Variants in MGAM2 observed in about 807,000 individuals in gnomAD.
MGAM2 encodes the protein maltase-glucoamylase 2 (putative), also known as probable maltase-glucoamylase 2.
A neutral mutation model predicts 96.1 loss-of-function variants in MGAM2; 98 were observed. That is an observed-to-expected ratio of 1.02 (90% CI 0.87 to 1.21). MGAM2 has a LOEUF of 1.21. MGAM2 is among the 50% of genes most tolerant of loss of function. The pLI, the probability that MGAM2 is intolerant of heterozygous loss-of-function variation, is 0.00. For synonymous variants in MGAM2, 749 were observed against 414.8 expected (o/e 1.81, Z -9.79); for missense variants, 2,055 against 1,182.4 (o/e 1.74, Z -10.82).
intron 13 of MGAM2, 49 bp from the exon 14 acceptor site, chr7:142,144,812 A>G (rs1795336319): frequency 1.5e-6 from 1 of 678,012 alleles, no homozygotes; most frequent in African/African-American, 1.8e-5. Flanking sequence ...TCAACAGCTA[A>G]ATGTAGCTCA....
chr7:142,209,270 A>C (rs1032655537), intron 46 of MGAM2, among the ~76,000 whole-genome samples: 4 of 152,074 alleles, frequency 2.6e-5, no homozygotes, highest in Non-Finnish European at 5.9e-5. Context: ...GTTCTTTATA[A>C]TTTTTTTGTA....
chr7:142,172,278 C>A, intron 29 of MGAM2, 84 bp downstream of exon 29: 1 of 593,804 alleles, frequency 1.7e-6, no homozygotes, highest in South Asian at 2.0e-5. Flanking sequence ...GAAATAGAGA[C>A]ATTCAGGGGG....
intron 7 of MGAM2, among the ~76,000 whole-genome samples, chr7:142,134,756 G>A (rs1795006071): frequency 6.7e-6 from 1 of 149,400 alleles, no homozygotes; most frequent in Non-Finnish European, 1.5e-5. Context: ...CAGCTTATCT[G>A]GAGTGAAGGA....
chr7:142,115,078 G>A (rs1268626176), intron 1 of MGAM2, among the ~76,000 whole-genome samples: 1 of 152,140 alleles, frequency 6.6e-6, no homozygotes, highest in Non-Finnish European at 1.5e-5. Context: ...TTAGCCACAC[G>A]TAGTGGCATG....
intron 46 of MGAM2, among the ~76,000 whole-genome samples, chr7:142,215,733 G>A (rs1267311933): frequency 6.9e-6 from 1 of 144,822 alleles, no homozygotes; most frequent in Non-Finnish European, 1.5e-5. Flanking sequence ...ACTCCAGCCT[G>A]GGTAGCAAGA....
rs73158444 is a variant in MGAM2, at chr7:142,154,151, C to T, written c.1768C>T (p.Pro590Ser). ...ATWDDLRWSI[P>S]TILEFNLFGI... ...ATGGGATGACCTCCGATGGTCTATC[C>T]CCACTATCCTTGAGTTCAACCTGTT... The change falls in exon 16 of 48, where the codon CCC (proline) becomes TCC (serine). Residue 590 changes from proline to serine, a missense_variant. Physicochemically the swap from Pro to Ser is moderately conservative, Grantham distance 74. Transcript: ENST00000477922. 0.082 allele frequency: 54,148 copies of T among 660,278 alleles called. 2,539 individuals are homozygous for T. Among genetic ancestry groups the T allele is most frequent in the Admixed American group, 0.11 (5,267 of 48,864 alleles). 40.9% of individuals were successfully genotyped at this position (660,278 alleles called of 1,614,324 possible). A position where few individuals can be genotyped will look rare whatever the true frequency, so the allele number is the denominator to read the frequency against.
intron 37 of MGAM2, among the ~76,000 whole-genome samples, chr7:142,192,950 C>T (rs1384565251): frequency 6.6e-6 from 1 of 152,122 alleles, no homozygotes; most frequent in African/African-American, 2.4e-5. Flanking sequence ...TATAATGAAT[C>T]CACAAGTACT....
chr7:142,134,952 A>T (rs1716960278), intron 7 of MGAM2, among the ~76,000 whole-genome samples: 1 of 152,160 alleles, frequency 6.6e-6, no homozygotes, highest in African/African-American at 2.4e-5. Context: ...CTAAACTTTG[A>T]CTTTTGGTTT....
In MGAM2 at chr7:142,172,797, C is replaced by A. The variant is rs573286201; in HGVS notation, c.3561+33C>A. The A allele has an allele frequency of 2.4e-5, 16 of 676,720 alleles. No individual in the cohort carries two copies. The East Asian group carries it at 3.5e-4, about 15-fold the overall frequency. 41.9% of individuals were successfully genotyped at this position (676,720 alleles called of 1,614,324 possible). ...GCCATTCTGTCCATCAATATATTGT[C>A]AAATATTTATTGGCTATTACCACAT... is the stretch of plus-strand genomic sequence containing the variant. On this transcript the variant is annotated intron_variant, in intron 30 of 47. Coordinates refer to ENST00000477922, the MANE Select transcript of MGAM2 (RefSeq NM_001293626.2).
intron 17 of MGAM2, among the ~76,000 whole-genome samples, 185 bp downstream of exon 17, chr7:142,155,030 G>A (rs540793698): frequency 6.6e-6 from 1 of 152,328 alleles, no homozygotes; most frequent in South Asian, 2.1e-4. Context: ...GAAGGGATAT[G>A]TATATACTGA....
intron 7 of MGAM2, among the ~76,000 whole-genome samples, chr7:142,135,303 C>A (rs187786796): frequency 2.6e-5 from 4 of 152,250 alleles, no homozygotes; most frequent in African/African-American, 9.6e-5. Context: ...GGTCAAGGAC[C>A]CTGGCAAATA....
chr7:142,194,040 T>C (rs958826351), intron 37 of MGAM2, among the ~76,000 whole-genome samples: 2 of 151,778 alleles, frequency 1.3e-5, no homozygotes, highest in Admixed American at 6.6e-5. Flanking sequence ...CTTCTTCTTT[T>C]TTTTTTTTTT....
rs548444196 is a variant in MGAM2 at position 142,128,775 on chromosome 7, G to C, written c.187-2173G>C. 6.0e-4 allele frequency among the ~76,000 whole-genome samples: 91 copies of C among 152,316 alleles called. No homozygotes were observed. The East Asian group carries it at 0.014, about 24-fold the overall frequency. On this transcript the variant is annotated intron_variant, in intron 3 of 47. Transcript: ENST00000477922. ...GAGGACGTATGGAAATGCCTGGATG[G>C]CCAGGCACAAGTTTTCTGCATAGGT...
Position 142,189,479 on chromosome 7 carries a change from G to T in MGAM2, c.4320G>T (p.Gly1440=). The T allele has an allele frequency of 1.2e-6, 1 of 864,752 alleles. No homozygotes were observed. The highest frequency in any genetic ancestry group is 2.0e-5 in the Admixed American group (1 of 49,600). 53.6% of individuals were successfully genotyped at this position (864,752 alleles called of 1,614,324 possible). ...ACTACAACGTGCACAACCTGTACGG[G>T]TGGTCCCAGACCAGACCCACATACG... is the stretch of plus-strand genomic sequence containing the variant. ...VEHYNVHNLY[G]WSQTRPTYEA... Residue 1440 remains glycine (G), a synonymous_variant, in exon 37 of 48, where the codon GGG becomes GGT. Coordinates refer to ENST00000477922, the MANE Select transcript of MGAM2 (RefSeq NM_001293626.2).
rs975901061 is a variant in MGAM2 at position 142,148,950 on chromosome 7, G to T, written c.1634+1377G>T. Among the ~76,000 whole-genome samples, 2 of 152,070 alleles carry T rather than the reference G, an allele frequency of 1.3e-5. No homozygotes were observed. The highest frequency in any genetic ancestry group is 2.9e-5 in the Non-Finnish European group (2 of 68,024). On this transcript the variant is annotated intron_variant, in intron 15 of 47. Coordinates refer to ENST00000477922, the MANE Select transcript of MGAM2 (RefSeq NM_001293626.2). This position sits in a 1 kb window ranked among gnomAD's most constrained non-coding sequence, Gnocchi z 4.2. The stretch of plus-strand genomic sequence containing the variant: ...CCTTAAGATACTGCTCTGCTGGCTT[G>T]GTGCGGTGGCTTACGTCTGTAATCC...
chr7:142,180,810 C>T lies in MGAM2; in HGVS notation c.3817-2456C>T, dbSNP rs1796514914. Reference sequence around the variant, plus strand: ...TTGTCTTTGAGTTCTGAGATTCTTTCCTCAGCTTGGTCTATTCTGTTGTTA... The same window carrying T: ...TTGTCTTTGAGTTCTGAGATTCTTTTCTCAGCTTGGTCTATTCTGTTGTTA... On this transcript the variant is annotated intron_variant, in intron 32 of 47. Transcript: ENST00000477922. 2.0e-5 allele frequency among the ~76,000 whole-genome samples: 3 copies of T among 152,018 alleles called. No homozygotes were observed. The South Asian group carries it at 6.2e-4, about 32-fold the overall frequency.
chr7:142,196,864 A>T, intron 40 of MGAM2, 48 bp downstream of exon 40: 1 of 727,984 alleles, frequency 1.4e-6, no homozygotes, highest in Non-Finnish European at 2.5e-6. Context: ...TCAAATCATA[A>T]CTTCTTTTTA....
chr7:142,219,971 A>T lies in MGAM2; in HGVS notation c.5460A>T (p.Thr1820=), dbSNP rs780974715. Residue 1820 remains threonine (T), a synonymous_variant, in exon 48 of 48, where the codon ACA becomes ACT. Transcript: ENST00000477922. ...GGPVLPTPTK[T]STIPMSSHPS... The stretch of plus-strand genomic sequence containing the variant: ...CTGTACTTCCTACTCCAACTAAGAC[A>T]AGTACCATCCCAATGAGTTCTCATC... 9 of 702,664 alleles carry T rather than the reference A, an allele frequency of 1.3e-5. No individual in the cohort carries two copies. The highest frequency in any genetic ancestry group is 1.8e-5 in the Non-Finnish European group (7 of 384,890). The allele number at this position is 702,664 out of a possible 1,614,324, so 43.5% of individuals were successfully genotyped here. A position where few individuals can be genotyped will look rare whatever the true frequency, so the allele number is the denominator to read the frequency against.
intron 13 of MGAM2, among the ~76,000 whole-genome samples, chr7:142,144,140 G>A (rs1374351152): frequency 6.6e-6 from 1 of 152,106 alleles, no homozygotes; most frequent in African/African-American, 2.4e-5. Context: ...TTAACTGGTT[G>A]TCAGCTTAAA....
Sources: gnomAD v4.1 joint callset for allele counts (sites outside exome capture counted in the v4.1 genomes callset) on GRCh38, gnomAD v4.1.1 for gene constraint, Gnocchi (gnomAD v3.1) non-coding constraint, MANE v1.5 for transcripts, NCBI Gene and HGNC (gene_info 2026-07-23, HGNC 2026-07-21) for gene names.